Variants in CHMP2B observed in about 807,000 individuals in gnomAD.
CHMP2B encodes VPS2 homolog B.
CHMP2B carries 22 observed loss-of-function variants against 29.8 expected under a neutral mutation model. That is an observed-to-expected ratio of 0.74 (90% CI 0.53 to 1.05). CHMP2B has a LOEUF of 1.05. Ranked by LOEUF, CHMP2B falls within the 50% of genes least tolerant of loss-of-function variation. The pLI, the probability that CHMP2B is intolerant of heterozygous loss-of-function variation, is 0.00. For missense variants in CHMP2B, 261 were observed against 252.2 expected (o/e 1.03, Z -0.24); for synonymous variants, 78 against 75.8 (o/e 1.03, Z -0.15).
rs180834245 is a variant in CHMP2B at position 87,240,445 on chromosome 3, G to A, written c.35-254G>A. On this transcript the variant is annotated intron_variant, in intron 1 of 5. Transcript: ENST00000263780. ...TCTACCTCAGCCTACCGAGTAGCTCGGATTACAGGCATGTGCCACCACACC... is the reference window on the plus strand; with the variant it reads ...TCTACCTCAGCCTACCGAGTAGCTCAGATTACAGGCATGTGCCACCACACC... The A allele has an allele frequency of 3.2e-4, 114 of 361,208 alleles. No homozygotes were observed. In the East Asian group the frequency reaches 4.2e-3, roughly 13 times the overall value. 22.4% of individuals were successfully genotyped at this position (361,208 alleles called of 1,614,324 possible). A position where few individuals can be genotyped will look rare whatever the true frequency, so the allele number is the denominator to read the frequency against.
intron 2 of CHMP2B, 102 bp downstream of exon 2, chr3:87,240,892 G>C: frequency 1.2e-6 from 1 of 830,272 alleles, no homozygotes; most frequent in South Asian, 1.4e-5. Flanking sequence ...CAGGTGGTAA[G>C]TGATTTACTT....
At position 87,235,427 on chromosome 3, in the gene CHMP2B, G is replaced by A. The variant is rs115896043; in HGVS notation, c.35-5272G>A. On this transcript the variant is annotated intron_variant, in intron 1 of 5. Transcript: ENST00000263780. ...CCTACTTACCATAATATGTTTTAAG[G>A]TGTTGTGATTATGTTTTAGTATGTA... Among the ~76,000 whole-genome samples, 9 of 152,178 alleles carry A rather than the reference G, an allele frequency of 5.9e-5. No homozygotes were observed. The South Asian group carries it at 1.9e-3, about 32-fold the overall frequency.
At chr3:87,229,460 T>C (rs374095255) in intron 1 of CHMP2B, among the ~76,000 whole-genome samples, 3 of 152,278 alleles carry the variant, frequency 2.0e-5, no homozygotes, top group South Asian at 2.1e-4. Flanking sequence ...TTTCTTATAT[T>C]ATTGTGTCAA....
At chr3:87,247,923 G>C (rs1283043356) in intron 3 of CHMP2B, among the ~76,000 whole-genome samples, 1 of 152,076 alleles carries the variant, frequency 6.6e-6, no homozygotes, top group Non-Finnish European at 1.5e-5. Flanking sequence ...CAATACATTT[G>C]TGCAAATAAA....
intron 3 of CHMP2B, among the ~76,000 whole-genome samples, chr3:87,248,618 T>C (rs1706259723): frequency 6.6e-6 from 1 of 151,938 alleles, no homozygotes; most frequent in Admixed American, 6.6e-5. Flanking sequence ...ATAGCACATT[T>C]AAGGAATAAA....
intron 1 of CHMP2B, among the ~76,000 whole-genome samples, chr3:87,230,231 T>C (rs1476598604): frequency 6.6e-6 from 1 of 152,178 alleles, no homozygotes; most frequent in East Asian, 1.9e-4. Context: ...TTAAACACTA[T>C]ATAATTTTTG....
chr3:87,240,858 G>T, intron 2 of CHMP2B, 68 bp downstream of exon 2: 1 of 1,183,808 alleles, frequency 8.4e-7, no homozygotes, highest in East Asian at 2.3e-5. Flanking sequence ...GGAATAATTA[G>T]CTAACTAGGA....
Position 87,253,750 on chromosome 3 carries a change from T to A in CHMP2B, c.570T>A (p.Ser190=). The change falls in exon 6 of 6, where the codon TCT becomes TCA. Residue 190 remains serine (S), a synonymous_variant. Coordinates refer to ENST00000263780, the MANE Select transcript of CHMP2B (RefSeq NM_014043.4). ...CATCAGCTGCTCGAAGCTTACCATC[T>A]GCCTCTACTTCAAAGGCTACAATCT... ...KAPSAARSLP[S]ASTSKATISD... 1 of 1,612,630 alleles carries A rather than the reference T, an allele frequency of 6.2e-7. No individual in the cohort carries two copies. Among genetic ancestry groups the A allele is most frequent in the Non-Finnish European group, 8.5e-7 (1 of 1,178,866 alleles).
rs1213830765 is a variant in CHMP2B at position 87,240,724 on chromosome 3, G to C, written c.60G>C (p.Glu20Asp). 1 of 1,613,188 alleles carries C rather than the reference G, an allele frequency of 6.2e-7. No homozygotes were observed. The highest frequency in any genetic ancestry group is 8.5e-7 in the Non-Finnish European group (1 of 1,179,364). Residue 20 changes from glutamate (E) to aspartate (D), a missense_variant, in exon 2 of 6, where the codon GAG becomes GAC. Physicochemically the swap from Glu to Asp is conservative, Grantham distance 45 (BLOSUM62 2). Transcript: ENST00000263780. Reference protein sequence around the residue: ...VDDVIKEQNRELRGTQRAIIR... With the variant: ...VDDVIKEQNRDLRGTQRAIIR... ...ATGTAATAAAGGAACAGAATCGAGA[G>C]TTACGAGGTACACAGAGGGCTATAA... is the stretch of plus-strand genomic sequence containing the variant.
intron 2 of CHMP2B, among the ~76,000 whole-genome samples, chr3:87,241,383 C>G (rs1206191680): frequency 6.6e-6 from 1 of 152,084 alleles, no homozygotes; most frequent in Non-Finnish European, 1.5e-5. Context: ...ACTCGTGAAA[C>G]CATTATTACA....
chr3:87,253,779 A>ATGAAGAGATTGAAT lies in CHMP2B; in HGVS notation c.612_613insTTGAAGAGATTGAA (p.Arg205LeufsTer11). 1 of 1,612,382 alleles carries ATGAAGAGATTGAAT rather than the reference A, an allele frequency of 6.2e-7. No homozygotes were observed. The highest frequency in any genetic ancestry group is 2.2e-5 in the East Asian group (1 of 44,828). On this transcript the variant is annotated frameshift_variant, in exon 6 of 6. Transcript: ENST00000263780. LOFTEE classifies it high-confidence loss of function. ...TCTACTTCAAAGGCTACAATCTCAG[A>ATGAAGAGATTGAAT]TGAAGAGATTGAACGGCAACTCAAG...
chr3:87,251,543 G>C (rs1575971589), intron 4 of CHMP2B, among the ~76,000 whole-genome samples: 1 of 151,912 alleles, frequency 6.6e-6, no homozygotes, highest in East Asian at 1.9e-4. Context: ...TTAATGCATA[G>C]CAAGTTAGTC....
chr3:87,246,162 G>T (rs1263070415), intron 3 of CHMP2B, among the ~76,000 whole-genome samples: 1 of 151,122 alleles, frequency 6.6e-6, no homozygotes, highest in Admixed American at 6.6e-5. Context: ...TTTTGAGATG[G>T]AGTCTTGCTC....
chr3:87,248,820 C>A (rs1190658472), intron 3 of CHMP2B, among the ~76,000 whole-genome samples: 1 of 152,084 alleles, frequency 6.6e-6, no homozygotes, highest in Non-Finnish European at 1.5e-5. Context: ...TACTGCATTG[C>A]ATGCCATTGA....
At chr3:87,240,058 GGT>G (rs558691038) in intron 1 of CHMP2B, among the ~76,000 whole-genome samples, 9 of 150,072 alleles carry the variant, frequency 6.0e-5, no homozygotes, top group Middle Eastern at 3.4e-3. Context: ...ACATGAAAAG[GGT>G]GTGTGTGTGT....
chr3:87,232,762 A>G (rs372418135), intron 1 of CHMP2B, among the ~76,000 whole-genome samples: 1 of 152,138 alleles, frequency 6.6e-6, no homozygotes, highest in African/African-American at 2.4e-5. Flanking sequence ...CATTTATCTA[A>G]GATGAAAAAT....
intron 1 of CHMP2B, among the ~76,000 whole-genome samples, chr3:87,229,443 T>C (rs1705867920): frequency 2.5e-5 from 1 of 40,616 alleles, no homozygotes; most frequent in Non-Finnish European, 5.8e-5. Context: ...AGATGCATAC[T>C]TGATGTTTTC....
intron 1 of CHMP2B, chr3:87,240,433 A>C (rs1559607406): frequency 2.9e-6 from 1 of 339,420 alleles, no homozygotes; most frequent in Non-Finnish European, 5.7e-6. Flanking sequence ...ACCTCAGCCT[A>C]CCGAGTAGCT....
Position 87,254,044 on chromosome 3 carries a change from G to T in CHMP2B, c.*222G>T. On this transcript the variant is annotated 3_prime_UTR_variant, in exon 6 of 6. Coordinates refer to ENST00000263780, the MANE Select transcript of CHMP2B (RefSeq NM_014043.4). ...TTGGATTTTAATTAGAACTGTTTAG[G>T]AGTGATGATGTGTAAAAAGTTGACT... 4.5e-6 allele frequency: 2 copies of T among 444,104 alleles called. No individual in the cohort carries two copies. Among genetic ancestry groups the T allele is most frequent in the Middle Eastern group, 6.7e-4 (1 of 1,502 alleles). The allele number at this position is 444,104 out of a possible 1,614,324, so 27.5% of individuals were successfully genotyped here. A position where few individuals can be genotyped will look rare whatever the true frequency, so the allele number is the denominator to read the frequency against.
Sources: allele counts gnomAD v4.1 joint callset (sites outside exome capture counted in the v4.1 genomes callset), GRCh38; gene constraint gnomAD v4.1.1; transcripts MANE v1.5; gene names NCBI Gene and HGNC (gene_info 2026-07-23, HGNC 2026-07-21).